The following SEPTIN9 variants were observed in gnomAD, a reference collection of about 807,000 sequenced individuals.
SEPTIN9 encodes the protein septin 9, also known as septin-9.
Under a neutral mutation model 56.6 loss-of-function variants are expected in SEPTIN9, and 13 were observed. That is an observed-to-expected ratio of 0.23 (90% confidence interval 0.15 to 0.37). The LOEUF is 0.37. SEPTIN9 is among the 10% of genes least tolerant of loss of function. SEPTIN9 has a pLI of 1.00. For synonymous variants in SEPTIN9, 332 were observed against 334.1 expected (o/e 0.99, Z 0.07); for missense variants, 650 against 823.1 (o/e 0.79, Z 2.57).
chr17:77,304,883 T>C (rs2032200556), intron 1 of SEPTIN9, among the ~76,000 whole-genome samples: 1 of 152,024 alleles, frequency 6.6e-6, no homozygotes, highest in South Asian at 2.1e-4. Flanking sequence ...ATGGCCATCG[T>C]GGAAGTGAGC....
At chr17:77,301,517 C>G (rs140596844) in intron 1 of SEPTIN9, among the ~76,000 whole-genome samples, 1 of 152,046 alleles carries the variant, frequency 6.6e-6, no homozygotes, top group Admixed American at 6.6e-5. Flanking sequence ...CTCCGCCTCT[C>G]GGGCTCAAGT....
intron 3 of SEPTIN9, among the ~76,000 whole-genome samples, chr17:77,470,480 A>G (rs927542599): frequency 1.3e-5 from 2 of 151,966 alleles, no homozygotes; most frequent in Admixed American, 6.6e-5. Flanking sequence ...TCACCCACCC[A>G]TCCACTCATC....
At chr17:77,422,631 C>T (rs545543826) in intron 3 of SEPTIN9, among the ~76,000 whole-genome samples, 189 of 152,296 alleles carry the variant, frequency 1.2e-3, no homozygotes, top group Non-Finnish European at 2.0e-3. Flanking sequence ...CCCGGGGAGC[C>T]GGGCTAATGG....
chr17:77,403,024 C>G (rs1470188676), intron 3 of SEPTIN9, among the ~76,000 whole-genome samples: 1 of 152,062 alleles, frequency 6.6e-6, no homozygotes, highest in Non-Finnish European at 1.5e-5. Flanking sequence ...CCTGGAGGGC[C>G]TGGGAGGCTT....
rs1479733192 is a variant in SEPTIN9, at chr17:77,445,111, C to T, written c.722-37033C>T. The T allele has an allele frequency of 4.4e-6, 2 of 458,836 alleles. No individual in the cohort carries two copies. The highest frequency in any genetic ancestry group is 4.6e-6 in the Non-Finnish European group (1 of 218,984). The allele number at this position is 458,836 out of a possible 1,614,324, so 28.4% of individuals were successfully genotyped here. A position where few individuals can be genotyped will look rare whatever the true frequency, so the allele number is the denominator to read the frequency against. ...TGCCTGCCTGGGGACGGCCTTCACT[C>T]GGGCTACTCAGGGTTTCCCCAGCCT... On this transcript the variant is annotated intron_variant, in intron 3 of 11. Transcript: ENST00000427177. This position sits in a 1 kb window ranked among gnomAD's most constrained non-coding sequence, Gnocchi z 4.7.
rs114555157 is a variant in SEPTIN9 at position 77,485,727 on chromosome 17, A to G, written c.914-1697A>G. The stretch of plus-strand genomic sequence containing the variant: ...GACGAGGAGTGTCCGTCCTTGGGCT[A>G]CTAAACAGTTCAGGCCAGGGATTCC... On this transcript the variant is annotated intron_variant, in intron 4 of 11. Coordinates refer to ENST00000427177, the MANE Select transcript of SEPTIN9 (RefSeq NM_001113491.2). Among the ~76,000 whole-genome samples, 371 of 152,114 alleles carry G rather than the reference A, an allele frequency of 2.4e-3. 3 individuals carry two copies. The highest frequency in any genetic ancestry group is 8.6e-3 in the African/African-American group (358 of 41,460).
At chr17:77,394,998 G>A (rs1958273973) in intron 2 of SEPTIN9, among the ~76,000 whole-genome samples, 1 of 152,188 alleles carries the variant, frequency 6.6e-6, no homozygotes, top group South Asian at 2.1e-4. Context: ...TTCCAGAGGT[G>A]GGGATGGGGA....
At chr17:77,314,830 T>C (rs2032638239) in intron 2 of SEPTIN9, among the ~76,000 whole-genome samples, 1 of 152,172 alleles carries the variant, frequency 6.6e-6, no homozygotes, top group Admixed American at 6.5e-5. Flanking sequence ...GGGAGCACAG[T>C]CCACCCTGGG....
chr17:77,301,709 G>A (rs116911537), intron 1 of SEPTIN9, among the ~76,000 whole-genome samples: 2,169 of 152,234 alleles, frequency 0.014, 23 homozygotes, highest in Middle Eastern at 0.024. Flanking sequence ...CACCGTGCCC[G>A]GCCAGGAATA....
At position 77,450,515 on chromosome 17, in the gene SEPTIN9, C is replaced by A. The variant is rs1598394541; in HGVS notation, c.722-31629C>A. ...TCCTAGTGTGGGAGTGGCCACGCCC[C>A]TGCTGGGAGTGACTCACTTGGGTTC... On this transcript the variant is annotated intron_variant, in intron 3 of 11. Coordinates refer to ENST00000427177, the MANE Select transcript of SEPTIN9 (RefSeq NM_001113491.2). The surrounding 1 kb of genome is among the most constrained non-coding windows in gnomAD (Gnocchi z 6.0). 2 of 985,498 alleles carry A rather than the reference C, an allele frequency of 2.0e-6. No individual in the cohort carries two copies. Among genetic ancestry groups the A allele is most frequent in the East Asian group, 2.3e-4 (2 of 8,810 alleles). 61.0% of individuals were successfully genotyped at this position (985,498 alleles called of 1,614,324 possible).
intron 2 of SEPTIN9, among the ~76,000 whole-genome samples, chr17:77,378,839 AC>A (rs1319122568): frequency 6.6e-6 from 1 of 150,716 alleles, no homozygotes; most frequent in Non-Finnish European, 1.5e-5. Flanking sequence ...GCCACCATCT[AC>A]CCCCACCCCC....
At chr17:77,395,556 A>G (rs749216881) in intron 2 of SEPTIN9, among the ~76,000 whole-genome samples, 56 of 150,930 alleles carry the variant, frequency 3.7e-4, no homozygotes, top group African/African-American at 1.3e-3. Context: ...AACAATATCG[A>G]TGGTTTTATT....
intron 3 of SEPTIN9, among the ~76,000 whole-genome samples, chr17:77,410,404 C>T (rs2036250777): frequency 6.6e-6 from 1 of 152,174 alleles, no homozygotes; most frequent in Non-Finnish European, 1.5e-5. Context: ...ACTCCACGGC[C>T]CCTGTCTGAA....
chr17:77,364,597 A>AG (rs2034517307), intron 2 of SEPTIN9, among the ~76,000 whole-genome samples: 1 of 152,092 alleles, frequency 6.6e-6, no homozygotes, highest in African/African-American at 2.4e-5. Flanking sequence ...CAGTGAGGAG[A>AG]GGGGGGCAGG....
chr17:77,479,870 G>C (rs2143176154), intron 3 of SEPTIN9, among the ~76,000 whole-genome samples: 1 of 152,318 alleles, frequency 6.6e-6, no homozygotes, highest in African/African-American at 2.4e-5. Context: ...GGTCACGTGG[G>C]TGGGGACTGA....
At chr17:77,373,034 C>T (rs1034145534) in intron 2 of SEPTIN9, among the ~76,000 whole-genome samples, 6 of 151,938 alleles carry the variant, frequency 3.9e-5, no homozygotes, top group African/African-American at 1.5e-4. Flanking sequence ...GGCCCGGCCT[C>T]CACATCCGCC....
chr17:77,459,104 C>T (rs2038345724), intron 3 of SEPTIN9, among the ~76,000 whole-genome samples: 2 of 152,238 alleles, frequency 1.3e-5, no homozygotes, highest in African/African-American at 4.8e-5. Context: ...TGAGCCTGCA[C>T]CTGCTCCTCA....
chr17:77,358,811 G>A (rs1432277417), intron 2 of SEPTIN9, among the ~76,000 whole-genome samples: 8 of 152,218 alleles, frequency 5.3e-5, no homozygotes, highest in Admixed American at 5.2e-4. Flanking sequence ...CTGCCAGACA[G>A]GTGGGATGAT....
At chr17:77,338,175 T>C (rs2033614460) in intron 2 of SEPTIN9, among the ~76,000 whole-genome samples, 1 of 151,772 alleles carries the variant, frequency 6.6e-6, no homozygotes, top group Non-Finnish European at 1.5e-5. Flanking sequence ...CCAGACTGGG[T>C]GACAGGGCGA....
Sources: allele counts gnomAD v4.1 joint callset (sites outside exome capture counted in the v4.1 genomes callset), GRCh38; gene constraint gnomAD v4.1.1; non-coding constraint Gnocchi (gnomAD v3.1); transcripts MANE v1.5; gene names NCBI Gene and HGNC (gene_info 2026-07-23, HGNC 2026-07-21).